CCDC146: variants seen among roughly 807,000 people sequenced by gnomAD.
CCDC146 encodes the protein coiled-coil domain containing 146.
CCDC146 carries 92 observed loss-of-function variants against 119.3 expected under a neutral mutation model. The observed-to-expected ratio is 0.77, with a 90% CI of 0.65 to 0.92. CCDC146 has a LOEUF of 0.92. Ranked by LOEUF, CCDC146 falls within the 40% of genes least tolerant of loss-of-function variation. The pLI is 0.00. For missense variants in CCDC146, 1,000 were observed against 1,103.0 expected, an observed-to-expected ratio of 0.91 and a Z score of 1.32; for synonymous variants, 372 against 371.8, an observed-to-expected ratio of 1.00 and a Z score of -0.01.
chr7:77,274,281 G>T (rs1376405334), intron 10 of CCDC146, among the ~76,000 whole-genome samples: 2 of 151,850 alleles, frequency 1.3e-5, no homozygotes, highest in African/African-American at 4.8e-5. Context: ...TGTTGCTCAG[G>T]CTGGTCTTGA....
chr7:77,205,912 A>G (rs1244395179), intron 2 of CCDC146, among the ~76,000 whole-genome samples: 1 of 152,256 alleles, frequency 6.6e-6, no homozygotes, highest in Non-Finnish European at 1.5e-5. Flanking sequence ...CGAAATCACC[A>G]AGAAAAAGCA....
At chr7:77,229,635 C>T (rs1312195540) in intron 2 of CCDC146, among the ~76,000 whole-genome samples, 3 of 151,920 alleles carry the variant, frequency 2.0e-5, no homozygotes, top group South Asian at 2.1e-4. Flanking sequence ...TGTAGGTGTG[C>T]GGTCTAGGCT....
intron 9 of CCDC146, among the ~76,000 whole-genome samples, chr7:77,264,430 TG>T (rs1388473626): frequency 6.6e-6 from 1 of 152,168 alleles, no homozygotes; most frequent in African/African-American, 2.4e-5. Flanking sequence ...AGCTAATTTT[TG>T]TATTTTTAGT....
chr7:77,144,953 C>T (rs1449046914), intron 1 of CCDC146, among the ~76,000 whole-genome samples: 1 of 151,662 alleles, frequency 6.6e-6, no homozygotes, highest in Non-Finnish European at 1.5e-5. Context: ...AGGGAGGATT[C>T]CCTCTTTTTC....
At chr7:77,133,543 G>A (rs1242983295) in intron 1 of CCDC146, among the ~76,000 whole-genome samples, 2 of 151,784 alleles carry the variant, frequency 1.3e-5, no homozygotes, top group African/African-American at 4.8e-5. Flanking sequence ...GTAGAGACGT[G>A]GTTTCACCAT....
chr7:77,216,207 A>T (rs1792299463), intron 2 of CCDC146, among the ~76,000 whole-genome samples: 2 of 151,876 alleles, frequency 1.3e-5, no homozygotes, highest in South Asian at 4.1e-4. Context: ...ATTATCTCTT[A>T]GTTTTATACA....
At position 77,282,800 on chromosome 7, in the gene CCDC146, A is replaced by G; in HGVS notation, c.2148+15A>G. ...TCCAAATTCAGGTGGGTGAGTGATC[A>G]CGGGACACTTCCTCAGACCATTTAT... On this transcript the variant is annotated intron_variant, in intron 15 of 18. Coordinates refer to ENST00000285871, the MANE Select transcript of CCDC146 (RefSeq NM_020879.3). 1.3e-6 allele frequency: 2 copies of G among 1,562,898 alleles called. No homozygotes were observed. Among genetic ancestry groups the G allele is most frequent in the Non-Finnish European group, 1.8e-6 (2 of 1,133,984 alleles).
chr7:77,225,859 C>T (rs1418815980), intron 2 of CCDC146, among the ~76,000 whole-genome samples: 1 of 152,072 alleles, frequency 6.6e-6, no homozygotes, highest in Non-Finnish European at 1.5e-5. Flanking sequence ...AGGAGAATCG[C>T]TTGAACCCTG....
At chr7:77,160,117 C>T (rs1791236354) in intron 1 of CCDC146, among the ~76,000 whole-genome samples, 1 of 152,102 alleles carries the variant, frequency 6.6e-6, no homozygotes, top group African/African-American at 2.4e-5. Context: ...TATTCTGTTC[C>T]ATTGATCTAT....
intron 2 of CCDC146, among the ~76,000 whole-genome samples, chr7:77,217,276 CA>C (rs995991047): frequency 2.6e-5 from 4 of 151,720 alleles, no homozygotes; most frequent in African/African-American, 9.7e-5. Flanking sequence ...AAAGCTTGTG[CA>C]ACAGTTTTAG....
chr7:77,175,182 C>T (rs1437880947), intron 2 of CCDC146, among the ~76,000 whole-genome samples: 4 of 151,346 alleles, frequency 2.6e-5, no homozygotes, highest in African/African-American at 9.8e-5. Context: ...TCATTTTTGT[C>T]TTAATGCTGT....
At chr7:77,242,640 C>CTGCTGTGGTG (rs1286816907) in intron 4 of CCDC146, among the ~76,000 whole-genome samples, 1 of 152,148 alleles carries the variant, frequency 6.6e-6, no homozygotes, top group Non-Finnish European at 1.5e-5. Flanking sequence ...TTCAAGTTTT[C>CTGCTGTGGTG]TGCTGTGGTG....
intron 2 of CCDC146, among the ~76,000 whole-genome samples, chr7:77,211,760 C>T (rs1007029595): frequency 2.0e-5 from 3 of 152,046 alleles, no homozygotes; most frequent in African/African-American, 2.4e-5. Flanking sequence ...GGATTACAGG[C>T]GTGCTTTTCC....
intron 3 of CCDC146, 41 bp from the exon 4 acceptor site, chr7:77,241,650 C>T (rs759036636): frequency 6.4e-7 from 1 of 1,570,562 alleles, no homozygotes; most frequent in Admixed American, 1.7e-5. Context: ...CGAGGATGTA[C>T]ATGTCTCATT....
rs1792853153 is a variant in CCDC146, at chr7:77,241,696, A to T, written c.245A>T (p.Gln82Leu). ...TLLHDAVMST[Q>L]ESEVQLLQNA... ...CTGTTTTTCATGTAACCCAGCACAC[A>T]AGAGTCAGAGGTCCAACTGCTACAG... The change falls in exon 4 of 19, where the codon CAA (glutamine) becomes CTA (leucine). Residue 82 changes from glutamine (Q) to leucine (L), a missense_variant. By Grantham distance (113) the Gln-to-Leu change is moderately radical. Transcript: ENST00000285871. 1.2e-6 allele frequency: 2 copies of T among 1,613,812 alleles called. No homozygotes were observed. The highest frequency in any genetic ancestry group is 1.7e-6 in the Non-Finnish European group (2 of 1,179,980).
chr7:77,280,549 G>A lies in CCDC146; in HGVS notation c.1815G>A (p.Gln605=). ...LQEMKEKKEA[Q]LNNIDRLANT... is the part of the protein sequence containing the mutation. ...AAATGAAAGAAAAGAAGGAAGCCCA[G>A]TTAAATAACATTGACAGACTTGCCA... is the stretch of plus-strand genomic sequence containing the variant. Residue 605 remains glutamine (Q), a synonymous_variant, in exon 14 of 19, where the codon CAG becomes CAA. Coordinates refer to ENST00000285871, the MANE Select transcript of CCDC146 (RefSeq NM_020879.3). The A allele has an allele frequency of 6.2e-7, 1 of 1,614,130 alleles. No individual in the cohort carries two copies. The highest frequency in any genetic ancestry group is 1.7e-5 in the Admixed American group (1 of 60,020).
At chr7:77,172,031 G>A (rs749453535) in intron 2 of CCDC146, among the ~76,000 whole-genome samples, 16 of 152,168 alleles carry the variant, frequency 1.1e-4, no homozygotes, top group Non-Finnish European at 2.2e-4. Flanking sequence ...TTCAATAATC[G>A]TTTCAAAGAA....
chr7:77,137,960 G>A (rs1274794887), intron 1 of CCDC146, among the ~76,000 whole-genome samples: 2 of 151,350 alleles, frequency 1.3e-5, no homozygotes, highest in African/African-American at 2.4e-5. Context: ...CAGTTCTGAG[G>A]CTGGGCATTC....
chr7:77,202,984 C>T (rs1482692437), intron 2 of CCDC146, among the ~76,000 whole-genome samples: 1 of 148,838 alleles, frequency 6.7e-6, no homozygotes, highest in Non-Finnish European at 1.5e-5. Context: ...ATGCTTAGAT[C>T]AATGGAGAGC....
Sources: allele counts gnomAD v4.1 joint callset (sites outside exome capture counted in the v4.1 genomes callset), GRCh38; gene constraint gnomAD v4.1.1; transcripts MANE v1.5; gene names NCBI Gene and HGNC (gene_info 2026-07-23, HGNC 2026-07-21).